IL23R: variants seen among roughly 807,000 people sequenced by gnomAD.
IL23R encodes interleukin 23 receptor.
IL23R carries 34 observed loss-of-function variants against 56.9 expected under a neutral mutation model. The observed-to-expected ratio is 0.60, with a 90% CI of 0.45 to 0.80. IL23R has a LOEUF of 0.80. Ranked by LOEUF, IL23R falls within the 30% of genes least tolerant of loss-of-function variation. The pLI is 0.00. For synonymous variants in IL23R, 230 were observed against 249.2 expected (o/e 0.92, Z 0.73); for missense variants, 635 against 730.0 (o/e 0.87, Z 1.50).
chr1:67,151,401 C>T (rs537893028), intron 1 of IL23R, among the ~76,000 whole-genome samples: 1 of 152,210 alleles, frequency 6.6e-6, no homozygotes, highest in African/African-American at 2.4e-5. Flanking sequence ...CTGTAGGTTG[C>T]CTGTTCACTC....
chr1:67,182,821 T>C lies in IL23R; in HGVS notation c.368-15T>C, dbSNP rs1216495524. On this transcript the variant is annotated splice_polypyrimidine_tract_variant and intron_variant, in intron 3 of 10. Transcript: ENST00000347310. ...ATTTCTTACAGCACCTCCTAAGTGT[T>C]ATGTTTTGTTGCAGATCCGCCAGAT... 6.2e-7 allele frequency: 1 copy of C among 1,613,830 alleles called. No individual in the cohort carries two copies. Among genetic ancestry groups the C allele is most frequent in the Non-Finnish European group, 8.5e-7 (1 of 1,179,790 alleles).
intron 5 of IL23R, among the ~76,000 whole-genome samples, chr1:67,203,119 A>T (rs2102627763): frequency 6.6e-6 from 1 of 152,178 alleles, no homozygotes; most frequent in South Asian, 2.1e-4. Context: ...AATAATAATA[A>T]TACTTGTATT....
At chr1:67,186,036 G>A (rs747005796) in intron 4 of IL23R, among the ~76,000 whole-genome samples, 2 of 152,154 alleles carry the variant, frequency 1.3e-5, no homozygotes, top group African/African-American at 2.4e-5. Flanking sequence ...ATTCTAACAG[G>A]GATTTCTCTG....
At chr1:67,240,817 T>A (rs1485789641) in intron 9 of IL23R, among the ~76,000 whole-genome samples, 2 of 152,214 alleles carry the variant, frequency 1.3e-5, no homozygotes, top group Non-Finnish European at 2.9e-5. Flanking sequence ...CAGGGTTGCC[T>A]TGTGGTCAGA....
At position 67,201,563 on chromosome 1, in the gene IL23R, A is replaced by C. The variant is rs561088939; in HGVS notation, c.652+666A>C. Among the ~76,000 whole-genome samples, 1,021 of 151,828 alleles carry C rather than the reference A, an allele frequency of 6.7e-3. 13 individuals are homozygous for C. Among genetic ancestry groups the C allele is most frequent in the East Asian group, 0.013 (65 of 5,182 alleles). On this transcript the variant is annotated intron_variant, in intron 5 of 10. Coordinates refer to ENST00000347310, the MANE Select transcript of IL23R (RefSeq NM_144701.3). Reference sequence around the variant, plus strand: ...CTACTAGGGAAGGCAAAAAAAAAAAAAACAAAAAAACACTATGATCATGAT... The same window carrying C: ...CTACTAGGGAAGGCAAAAAAAAAAACAACAAAAAAACACTATGATCATGAT...
At chr1:67,254,258 G>C (rs187117852) in intron 9 of IL23R, among the ~76,000 whole-genome samples, 1 of 151,894 alleles carries the variant, frequency 6.6e-6, no homozygotes, top group Admixed American at 6.6e-5. Context: ...TGGTGGAGAC[G>C]GGATTTCACC....
At position 67,258,645 on chromosome 1, in the gene IL23R, C is replaced by T. The variant is rs1469538725; in HGVS notation, c.1407C>T (p.Phe469=). ...GAGACTACCCGCAAAACTCGCTATT[C>T]GACAATACTACAGTTGTATATATTC... is the stretch of plus-strand genomic sequence containing the variant. ...ETRDYPQNSL[F]DNTTVVYIPD... Residue 469 remains phenylalanine, a synonymous_variant, in exon 11 of 11, where the codon TTC becomes TTT. Coordinates refer to ENST00000347310, the MANE Select transcript of IL23R (RefSeq NM_144701.3). 6 of 1,613,708 alleles carry T rather than the reference C, an allele frequency of 3.7e-6. No homozygotes were observed. The highest frequency in any genetic ancestry group is 2.2e-5 in the East Asian group (1 of 44,882).
intron 5 of IL23R, among the ~76,000 whole-genome samples, chr1:67,206,304 T>A (rs184474997): frequency 2.0e-5 from 3 of 152,098 alleles, no homozygotes; most frequent in South Asian, 2.1e-4. Flanking sequence ...TGAGCCACCA[T>A]GCCCAGCCTT....
chr1:67,171,279 T>G (rs1558224999), intron 3 of IL23R, among the ~76,000 whole-genome samples: 1 of 152,220 alleles, frequency 6.6e-6, no homozygotes, highest in Non-Finnish European at 1.5e-5. Flanking sequence ...ACATTGTCTC[T>G]GTTAAAAAAC....
At chr1:67,164,084 GA>G, upstream of IL23R, among the ~76,000 whole-genome samples, 1 of 151,902 alleles carries the variant, frequency 6.6e-6, no homozygotes. Context: ...CTACAGAAGG[GA>G]AAAAAATATT....
intron 3 of IL23R, among the ~76,000 whole-genome samples, chr1:67,171,751 TG>T (rs1469832805): frequency 6.6e-6 from 1 of 152,188 alleles, no homozygotes; most frequent in Admixed American, 6.5e-5. Flanking sequence ...TGGTTTGGTA[TG>T]TGGGGGCCTA....
At chr1:67,186,785 AT>A (rs971088482) in intron 4 of IL23R, among the ~76,000 whole-genome samples, 1 of 151,656 alleles carries the variant, frequency 6.6e-6, no homozygotes, top group African/African-American at 2.4e-5. Flanking sequence ...CGCCCAGCTG[AT>A]TTTTTTTGTA....
downstream of IL23R, among the ~76,000 whole-genome samples, chr1:67,260,947 T>A (rs1653185036): frequency 6.6e-6 from 1 of 152,296 alleles, no homozygotes; most frequent in East Asian, 1.9e-4. Context: ...ACTGAATTTC[T>A]TTTTCTCCTC....
intron 1 of IL23R, among the ~76,000 whole-genome samples, chr1:67,143,743 T>G (rs561072649): frequency 1.3e-4 from 20 of 152,314 alleles, no homozygotes; most frequent in Middle Eastern, 3.4e-3. Flanking sequence ...AAGATGCCTT[T>G]GCATGTAAAA....
In IL23R at chr1:67,219,662, G is replaced by A; in HGVS notation, c.887G>A (p.Cys296Tyr). 2 of 1,614,070 alleles carry A rather than the reference G, an allele frequency of 1.2e-6. No individual in the cohort carries two copies. Among genetic ancestry groups the A allele is most frequent in the Non-Finnish European group, 1.7e-6 (2 of 1,179,928 alleles). Reference sequence around the variant, plus strand: ...ATTAAGTACGTATTTCAAGTGAGATGTCAAGAAACAGGCAAAAGGTACTGG... The same window carrying A: ...ATTAAGTACGTATTTCAAGTGAGATATCAAGAAACAGGCAAAAGGTACTGG... Reference protein sequence around the residue: ...PNIKYVFQVRCQETGKRYWQP... With the variant: ...PNIKYVFQVRYQETGKRYWQP... The change falls in exon 7 of 11, where the codon TGT becomes TAT. Residue 296 changes from cysteine to tyrosine, a missense_variant. By Grantham distance (194) the Cys-to-Tyr change is radical. Coordinates refer to ENST00000347310, the MANE Select transcript of IL23R (RefSeq NM_144701.3).
chr1:67,248,673 C>T (rs982282088), intron 9 of IL23R, among the ~76,000 whole-genome samples: 1 of 152,162 alleles, frequency 6.6e-6, no homozygotes, highest in Non-Finnish European at 1.5e-5. Flanking sequence ...AGTTGTGATC[C>T]TTTGGAGGGG....
intron 1 of IL23R, among the ~76,000 whole-genome samples, chr1:67,151,864 G>A (rs1394768703): frequency 6.6e-6 from 1 of 152,154 alleles, no homozygotes; most frequent in Non-Finnish European, 1.5e-5. Flanking sequence ...GGTTACTGCA[G>A]CCTTGTAGTG....
At chr1:67,248,717 T>C (rs1652412545) in intron 9 of IL23R, among the ~76,000 whole-genome samples, 1 of 152,198 alleles carries the variant, frequency 6.6e-6, no homozygotes, top group Non-Finnish European at 1.5e-5. Flanking sequence ...ATTTCAGCTT[T>C]TTTGTGCTGG....
intron 7 of IL23R, among the ~76,000 whole-genome samples, chr1:67,236,364 C>G (rs1010937694): frequency 6.6e-6 from 1 of 152,204 alleles, no homozygotes; most frequent in African/African-American, 2.4e-5. Context: ...TGCAAGGAAT[C>G]AAATAGAGAT....
Sources: gnomAD v4.1 joint callset for allele counts (sites outside exome capture counted in the v4.1 genomes callset) on GRCh38, gnomAD v4.1.1 for gene constraint, MANE v1.5 for transcripts, NCBI Gene and HGNC (gene_info 2026-07-23, HGNC 2026-07-21) for gene names.